CSDC2: variants seen among roughly 807,000 people sequenced by gnomAD.
The protein encoded by CSDC2 is cold shock domain containing C2.
Under a neutral mutation model 15.8 loss-of-function variants are expected in CSDC2, and 8 were observed. The ratio of observed to expected loss-of-function variants is 0.51; its 90% CI spans 0.30 to 0.92. The LOEUF (loss-of-function observed/expected upper bound fraction) is 0.92. Among genes scored for constraint, CSDC2 ranks in the 40% least tolerant of loss-of-function variants. The pLI, the probability that CSDC2 is intolerant of heterozygous loss-of-function variation, is 0.07. For synonymous variants in CSDC2, 96 were observed against 92.3 expected (o/e 1.04, Z -0.23); for missense variants, 195 against 213.3 (o/e 0.91, Z 0.53).
In CSDC2 at chr22:41,574,794, C is replaced by A; in HGVS notation, c.361C>A (p.Pro121Thr). The change falls in exon 4 of 4, where the codon CCT (proline) becomes ACT (threonine). Residue 121 changes from proline (P) to threonine (T), a missense_variant. Transcript: ENST00000306149. ...DEVTYKMCPI[P>T]PKNQKFQAVE... ...GGTGACCTACAAGATGTGCCCTATC[C>A]CTCCCAAGAACCAGAAGTTCCAGGC... 6.2e-7 allele frequency: 1 copy of A among 1,613,856 alleles called. No homozygotes were observed.
rs2067166498 is a variant in CSDC2 at position 41,574,802 on chromosome 22, G to C, written c.369G>C (p.Lys123Asn). Residue 123 changes from lysine (K) to asparagine (N), a missense_variant, in exon 4 of 4, where the codon AAG becomes AAC. Transcript: ENST00000306149. Reference sequence around the variant, plus strand: ...ACAAGATGTGCCCTATCCCTCCCAAGAACCAGAAGTTCCAGGCCGTGGAGG... The same window carrying C: ...ACAAGATGTGCCCTATCCCTCCCAACAACCAGAAGTTCCAGGCCGTGGAGG... ...VTYKMCPIPPKNQKFQAVEVV... is the reference protein window; with the variant it reads ...VTYKMCPIPPNNQKFQAVEVV... The C allele has an allele frequency of 6.2e-7, 1 of 1,613,716 alleles. No individual in the cohort carries two copies.
intron 3 of CSDC2, among the ~76,000 whole-genome samples, 166 bp downstream of exon 3, chr22:41,573,943 G>A (rs1451662478): frequency 6.6e-6 from 1 of 152,204 alleles, no homozygotes; most frequent in Non-Finnish European, 1.5e-5. Context: ...AGGAGGGCTG[G>A]GGCCAGGGAG....
rs6002408 is a variant in CSDC2 at position 41,571,866 on chromosome 22, C to T, written c.-100C>T. On this transcript the variant is annotated 5_prime_UTR_variant, in exon 2 of 4. Transcript: ENST00000306149. The stretch of plus-strand genomic sequence containing the variant: ...AGACGGAGCCCGTGGCTGGTGAGGC[C>T]GCAGAGCAGGGCCAGGCCGGGCCCT... 159,093 of 755,090 alleles carry T rather than the reference C, an allele frequency of 0.21. 18,968 individuals are homozygous for T. The highest frequency in any genetic ancestry group is 0.46 in the Admixed American group (10,744 of 23,110). 46.8% of individuals were successfully genotyped at this position (755,090 alleles called of 1,614,324 possible). A position where few individuals can be genotyped will look rare whatever the true frequency, so the allele number is the denominator to read the frequency against.
At chr22:41,564,698 C>T (rs990221779) in intron 1 of CSDC2, among the ~76,000 whole-genome samples, 1 of 152,150 alleles carries the variant, frequency 6.6e-6, no homozygotes, top group Non-Finnish European at 1.5e-5. Context: ...TTGAAAACCT[C>T]GGAGGAGAAT....
Position 41,575,155 on chromosome 22 carries a change from T to C in CSDC2, c.*260T>C. ...CTGGCTTCGCGCTGTCCACTGCCTC[T>C]CTCCTCCCCTCCCTGCCGCAGACAC... On this transcript the variant is annotated 3_prime_UTR_variant, in exon 4 of 4. Transcript: ENST00000306149. 1.9e-6 allele frequency: 1 copy of C among 531,014 alleles called. No individual in the cohort carries two copies. Among genetic ancestry groups the C allele is most frequent in the Non-Finnish European group, 3.4e-6 (1 of 296,758 alleles). 32.9% of individuals were successfully genotyped at this position (531,014 alleles called of 1,614,324 possible).
chr22:41,562,346 G>C (rs1304433736), intron 1 of CSDC2, among the ~76,000 whole-genome samples: 1 of 145,910 alleles, frequency 6.9e-6, no homozygotes, highest in Middle Eastern at 3.6e-3. Flanking sequence ...TTTCCTTGAA[G>C]TCTTCTCCAA....
intron 2 of CSDC2, among the ~76,000 whole-genome samples, chr22:41,573,368 A>C (rs966115375): frequency 6.6e-6 from 1 of 151,594 alleles, no homozygotes; most frequent in East Asian, 2.0e-4. Context: ...AAAAAAAAAA[A>C]ATTTTTTTTG....
intron 2 of CSDC2, 112 bp from the exon 3 acceptor site, chr22:41,573,543 C>G (rs2067158608): frequency 2.3e-6 from 3 of 1,312,834 alleles, no homozygotes; most frequent in Non-Finnish European, 3.1e-6. Context: ...TGGCCTGGGT[C>G]AAGTTTCTCA....
At chr22:41,567,427 C>T (rs929373342) in intron 1 of CSDC2, among the ~76,000 whole-genome samples, 14 of 152,242 alleles carry the variant, frequency 9.2e-5, no homozygotes. Flanking sequence ...AAAATAATTT[C>T]TGTAAAGACT....
intron 1 of CSDC2, among the ~76,000 whole-genome samples, chr22:41,562,372 G>C (rs886761600): frequency 7.1e-6 from 1 of 140,780 alleles, no homozygotes; most frequent in Admixed American, 8.5e-5. Flanking sequence ...TCTGTTTTCT[G>C]TGTCTGCCCA....
chr22:41,563,459 G>C (rs1036016266), intron 1 of CSDC2, among the ~76,000 whole-genome samples: 1 of 152,070 alleles, frequency 6.6e-6, no homozygotes. Context: ...CCTCCCATCT[G>C]CTCCCCTGTG....
chr22:41,575,011 G>A lies in CSDC2; in HGVS notation c.*116G>A. On this transcript the variant is annotated 3_prime_UTR_variant, in exon 4 of 4. Transcript: ENST00000306149. ...TGATGAGTCCTTCGGTGGCCTCAGT[G>A]TGCACGTCTGTCTGTCCGTCTGTGC... 8.4e-7 allele frequency: 1 copy of A among 1,188,948 alleles called. No individual in the cohort carries two copies. Among genetic ancestry groups the A allele is most frequent in the Non-Finnish European group, 1.2e-6 (1 of 855,634 alleles). The allele number at this position is 1,188,948 out of a possible 1,614,324, so 73.6% of individuals were successfully genotyped here.
intron 1 of CSDC2, among the ~76,000 whole-genome samples, chr22:41,566,027 G>A (rs1217162892): frequency 6.6e-6 from 1 of 152,012 alleles, no homozygotes; most frequent in East Asian, 1.9e-4. Context: ...AGAGTTGGCC[G>A]GGCGCAGTGG....
chr22:41,569,512 C>CT (rs1471021087), intron 1 of CSDC2, among the ~76,000 whole-genome samples: 2 of 152,176 alleles, frequency 1.3e-5, no homozygotes, highest in African/African-American at 2.4e-5. Flanking sequence ...ATCATGCCCT[C>CT]TGTGTTTTTG....
chr22:41,573,619 C>G (rs1395997167), intron 2 of CSDC2, 36 bp from the exon 3 acceptor site: 1 of 1,585,270 alleles, frequency 6.3e-7, no homozygotes, highest in Non-Finnish European at 8.6e-7. Flanking sequence ...AGGAGTTCCT[C>G]AGGCCACAGC....
At chr22:41,569,468 C>T (rs2067133818) in intron 1 of CSDC2, among the ~76,000 whole-genome samples, 1 of 152,186 alleles carries the variant, frequency 6.6e-6, no homozygotes, top group South Asian at 2.1e-4. Flanking sequence ...CACCAGTGGA[C>T]TCCCTGTCTA....
intron 1 of CSDC2, among the ~76,000 whole-genome samples, chr22:41,561,789 G>C (rs898769316): frequency 5.3e-5 from 8 of 152,208 alleles, no homozygotes; most frequent in African/African-American, 1.9e-4. Flanking sequence ...CTTCTTGCCT[G>C]CCTGCTGGTC....
At chr22:41,566,151 A>G (rs1454729336) in intron 1 of CSDC2, among the ~76,000 whole-genome samples, 3 of 151,572 alleles carry the variant, frequency 2.0e-5, no homozygotes, top group Admixed American at 1.3e-4. Context: ...ATTAAAAAAA[A>G]AAAAAAAAAA....
At chr22:41,573,817 A>G (rs537787304) in intron 3 of CSDC2, 40 bp downstream of exon 3, 28 of 1,593,226 alleles carry the variant, frequency 1.8e-5, no homozygotes, top group Non-Finnish European at 2.4e-5. Context: ...CCCCTGCCCT[A>G]GTGTCCCCAA....
Sources: allele counts gnomAD v4.1 joint callset (sites outside exome capture counted in the v4.1 genomes callset), GRCh38; gene constraint gnomAD v4.1.1; transcripts MANE v1.5; gene names NCBI Gene and HGNC (gene_info 2026-07-23, HGNC 2026-07-21).